Variants in PTPRN2 observed in about 807,000 individuals in gnomAD.
PTPRN2 encodes receptor-type tyrosine-protein phosphatase N2.
In PTPRN2, 74 loss-of-function variants were observed where a neutral mutation model predicts 118.8. The observed-to-expected ratio is 0.62, with a 90% confidence interval of 0.52 to 0.76. The LOEUF is 0.76. PTPRN2 is among the 30% of genes least tolerant of loss of function. The pLI is 0.00. For missense variants in PTPRN2, 1,481 were observed against 1,394.4 expected, an observed-to-expected ratio of 1.06 and a Z score of -0.99; for synonymous variants, 641 against 608.0, an observed-to-expected ratio of 1.05 and a Z score of -0.80.
intron 11 of PTPRN2, among the ~76,000 whole-genome samples, chr7:157,937,571 C>T (rs1799795754): frequency 6.6e-6 from 1 of 152,236 alleles, no homozygotes; most frequent in Non-Finnish European, 1.5e-5. Flanking sequence ...CCGAGTGCGG[C>T]CGCTCCACCT....
intron 15 of PTPRN2, among the ~76,000 whole-genome samples, chr7:157,613,616 C>T (rs1165324368): frequency 6.6e-6 from 1 of 152,212 alleles, no homozygotes; most frequent in East Asian, 1.9e-4. Context: ...AGGAGGCCGC[C>T]GCGTTCCTTC....
At chr7:158,165,241 G>T (rs893251947) in intron 6 of PTPRN2, among the ~76,000 whole-genome samples, 8 of 151,884 alleles carry the variant, frequency 5.3e-5, no homozygotes, top group Non-Finnish European at 1.0e-4. Flanking sequence ...AGTGCAGGAG[G>T]CAGGACCATC....
Position 157,929,937 on chromosome 7 carries a change from C to T in PTPRN2, c.1724-31200G>A, listed in dbSNP as rs1799262753. Among the ~76,000 whole-genome samples, 1 of 152,164 alleles carries T rather than the reference C, an allele frequency of 6.6e-6. No individual in the cohort carries two copies. On this transcript the variant is annotated intron_variant, in intron 11 of 22. Coordinates refer to ENST00000389418, the MANE Select transcript of PTPRN2 (RefSeq NM_002847.5). The surrounding 1 kb of genome is among the most constrained non-coding windows in gnomAD (Gnocchi z 4.4). ...GGCCAGGCATGAAGCGAATTCAGTC[C>T]ACATCAGCGGGTCCAAGCCTGGACC...
At chr7:157,913,014 C>G (rs1798186236) in intron 11 of PTPRN2, among the ~76,000 whole-genome samples, 1 of 152,144 alleles carries the variant, frequency 6.6e-6, no homozygotes, top group African/African-American at 2.4e-5. Context: ...TTTATTGAAT[C>G]TAGAAGTTTG....
chr7:157,726,118 C>A (rs907033242), intron 12 of PTPRN2, among the ~76,000 whole-genome samples: 16 of 77,802 alleles, frequency 2.1e-4, no homozygotes, highest in Non-Finnish European at 4.1e-4. Context: ...AACTGGATAT[C>A]CACATGCAGA....
intron 2 of PTPRN2, among the ~76,000 whole-genome samples, chr7:158,336,735 C>A (rs1368955725): frequency 1.8e-5 from 2 of 110,570 alleles, no homozygotes; most frequent in African/African-American, 3.3e-5. Flanking sequence ...GAGCTGACGC[C>A]CGCAGACGTC....
chr7:158,260,079 G>T (rs1268343631), intron 3 of PTPRN2, among the ~76,000 whole-genome samples: 1 of 152,210 alleles, frequency 6.6e-6, no homozygotes, highest in Non-Finnish European at 1.5e-5. Flanking sequence ...GTGTGTATGT[G>T]CGTGCACGTC....
intron 12 of PTPRN2, among the ~76,000 whole-genome samples, chr7:157,812,776 A>G (rs870020): frequency 0.28 from 42,527 of 152,016 alleles, 7,484 homozygotes; most frequent in African/African-American, 0.5. Flanking sequence ...CCCACCACAG[A>G]TGGGTAGCTG....
At chr7:157,548,202 T>C (rs1171151214) in intron 22 of PTPRN2, among the ~76,000 whole-genome samples, 8 of 151,936 alleles carry the variant, frequency 5.3e-5, no homozygotes, top group Non-Finnish European at 1.2e-4. Flanking sequence ...GGTGACAGAG[T>C]GAGACTCTGT....
intron 22 of PTPRN2, among the ~76,000 whole-genome samples, chr7:157,542,159 G>A (rs550317426): frequency 4.6e-5 from 7 of 152,284 alleles, no homozygotes; most frequent in African/African-American, 1.7e-4. Context: ...GCTGTGCCGG[G>A]AAGGTCCGCA....
chr7:157,653,296 T>G (rs952386783), intron 14 of PTPRN2, among the ~76,000 whole-genome samples: 3 of 152,182 alleles, frequency 2.0e-5, no homozygotes, highest in Admixed American at 1.3e-4. Flanking sequence ...CTGTGGCTTA[T>G]CTGACCATCC....
chr7:157,648,693 C>T (rs1488352349), intron 14 of PTPRN2, among the ~76,000 whole-genome samples: 47 of 144,434 alleles, frequency 3.3e-4, no homozygotes, highest in Non-Finnish European at 4.0e-4. Flanking sequence ...GCACTGAACT[C>T]GGTGGGTCAG....
intron 1 of PTPRN2, among the ~76,000 whole-genome samples, chr7:158,576,659 G>A (rs1170548273): frequency 6.6e-6 from 1 of 152,220 alleles, no homozygotes; most frequent in Non-Finnish European, 1.5e-5. Context: ...TCAAGACAGA[G>A]GTTCTGGAGC....
At chr7:157,917,497 G>A (rs945723293) in intron 11 of PTPRN2, among the ~76,000 whole-genome samples, 2 of 152,196 alleles carry the variant, frequency 1.3e-5, no homozygotes, top group African/African-American at 2.4e-5. Context: ...CGGTGGAAAG[G>A]GAGCATGGCT....
chr7:158,241,978 T>C (rs1795928593), intron 3 of PTPRN2, among the ~76,000 whole-genome samples: 1 of 152,188 alleles, frequency 6.6e-6, no homozygotes, highest in Non-Finnish European at 1.5e-5. Flanking sequence ...GAGGGGTCCT[T>C]ATCTTCACTA....
intron 11 of PTPRN2, among the ~76,000 whole-genome samples, chr7:158,033,230 G>A (rs749461037): frequency 6.6e-6 from 1 of 152,198 alleles, no homozygotes; most frequent in Non-Finnish European, 1.5e-5. Context: ...GAGCCATCAG[G>A]GCCACACATG....
At chr7:157,715,678 C>T (rs916910292) in intron 12 of PTPRN2, among the ~76,000 whole-genome samples, 1 of 152,228 alleles carries the variant, frequency 6.6e-6, no homozygotes, top group Non-Finnish European at 1.5e-5. Flanking sequence ...TTGGGCAAAT[C>T]CACTCAGCGC....
intron 1 of PTPRN2, among the ~76,000 whole-genome samples, chr7:158,524,101 G>A (rs1206881005): frequency 8.3e-5 from 6 of 71,888 alleles, no homozygotes; most frequent in Admixed American, 1.6e-4. Context: ...GAGTGGAGTC[G>A]TCTACCCTGG....
rs1299793993 is a variant in PTPRN2 at position 158,169,584 on chromosome 7, T to C, written c.550-2293A>G. 3.3e-5 allele frequency among the ~76,000 whole-genome samples: 5 copies of C among 149,364 alleles called. No homozygotes were observed. The East Asian group carries it at 1.0e-3, about 31-fold the overall frequency. On this transcript the variant is annotated intron_variant, in intron 5 of 22. Coordinates refer to ENST00000389418, the MANE Select transcript of PTPRN2 (RefSeq NM_002847.5). Reference sequence around the variant, plus strand: ...GCGTGAGCCACCGCGCCTGGCCAGGTTGAATTAGGTTCTGATTTCAGTTCT... The same window carrying C: ...GCGTGAGCCACCGCGCCTGGCCAGGCTGAATTAGGTTCTGATTTCAGTTCT...
Sources: gnomAD v4.1 joint callset for allele counts (sites outside exome capture counted in the v4.1 genomes callset) on GRCh38, gnomAD v4.1.1 for gene constraint, Gnocchi (gnomAD v3.1) non-coding constraint, MANE v1.5 for transcripts, NCBI Gene and HGNC (gene_info 2026-07-23, HGNC 2026-07-21) for gene names.